The following ABCC9 variants were observed in gnomAD, a reference collection of about 807,000 sequenced individuals.
ABCC9 encodes the protein ATP-binding cassette sub-family C member 9.
In ABCC9, 95 loss-of-function variants were observed where a neutral mutation model predicts 188.3. That is an observed-to-expected ratio of 0.50 (90% confidence interval 0.43 to 0.60). The LOEUF (loss-of-function observed/expected upper bound fraction) is 0.60, where lower values mean the gene tolerates loss of function less well. Among genes scored for constraint, ABCC9 ranks in the 20% least tolerant of loss-of-function variants. The pLI is 0.00. For synonymous variants in ABCC9, 659 were observed against 652.7 expected (o/e 1.01, Z -0.15); for missense variants, 1,102 against 1,876.3 (o/e 0.59, Z 7.62).
chr12:21,834,189 A>G (rs1444916326), intron 30 of ABCC9, among the ~76,000 whole-genome samples: 1 of 152,034 alleles, frequency 6.6e-6, no homozygotes, highest in Non-Finnish European at 1.5e-5. Context: ...TTGACCATTC[A>G]ATTTCTTTTT....
intron 31 of ABCC9, among the ~76,000 whole-genome samples, chr12:21,826,573 C>T (rs73070690): frequency 1.3e-5 from 2 of 152,154 alleles, no homozygotes; most frequent in Non-Finnish European, 1.5e-5. Flanking sequence ...TTTAAATACA[C>T]CTGGTTCCAA....
intron 31 of ABCC9, among the ~76,000 whole-genome samples, chr12:21,825,724 A>G (rs184867192): frequency 6.6e-6 from 1 of 152,222 alleles, no homozygotes; most frequent in East Asian, 1.9e-4. Flanking sequence ...GCAAACCACC[A>G]TGGCATGCGT....
intron 22 of ABCC9, among the ~76,000 whole-genome samples, chr12:21,856,876 C>T (rs1296736214): frequency 1.3e-5 from 2 of 152,062 alleles, no homozygotes; most frequent in Non-Finnish European, 2.9e-5. Flanking sequence ...ATTACATAGC[C>T]AATACTCAAA....
chr12:21,914,219 T>C (rs1197109424), intron 7 of ABCC9, among the ~76,000 whole-genome samples: 1 of 152,194 alleles, frequency 6.6e-6, no homozygotes, highest in African/African-American at 2.4e-5. Flanking sequence ...ATACTCTATT[T>C]CCTTCCAGTG....
intron 34 of ABCC9, among the ~76,000 whole-genome samples, chr12:21,815,286 GTTTT>G (rs201636994): frequency 7.6e-6 from 1 of 132,322 alleles, no homozygotes; most frequent in African/African-American, 2.7e-5. Context: ...TTTCTTCATG[GTTTT>G]TTTTTTTTTT....
At chr12:21,887,794 C>A in intron 15 of ABCC9, 32 bp downstream of exon 15, 1 of 1,393,600 alleles carries the variant, frequency 7.2e-7, no homozygotes, top group South Asian at 1.2e-5. Flanking sequence ...GTCCTCTATT[C>A]ACAACTTCCA....
chr12:21,901,017 T>C (rs930263147), intron 12 of ABCC9, among the ~76,000 whole-genome samples: 1 of 151,780 alleles, frequency 6.6e-6, no homozygotes, highest in Non-Finnish European at 1.5e-5. Flanking sequence ...TTCACCAAAG[T>C]TGAAATGAAG....
intron 14 of ABCC9, among the ~76,000 whole-genome samples, chr12:21,891,155 T>C (rs1947143558): frequency 6.6e-6 from 1 of 152,128 alleles, no homozygotes; most frequent in African/African-American, 2.4e-5. Flanking sequence ...TCCCTGCAGA[T>C]TTCAGTCTTT....
intron 39 of ABCC9, among the ~76,000 whole-genome samples, chr12:21,801,948 C>T (rs944761880): frequency 6.6e-6 from 1 of 152,076 alleles, no homozygotes; most frequent in African/African-American, 2.4e-5. Context: ...AGTAGCAGAA[C>T]CAGTATCAAA....
chr12:21,855,876 G>A (rs1014744643), intron 22 of ABCC9, among the ~76,000 whole-genome samples: 1 of 152,142 alleles, frequency 6.6e-6, no homozygotes, highest in African/African-American at 2.4e-5. Context: ...AAGGAAGAGT[G>A]TGGTGACTAA....
At chr12:21,819,597 A>G (rs1014666564) in intron 31 of ABCC9, among the ~76,000 whole-genome samples, 1 of 152,224 alleles carries the variant, frequency 6.6e-6, no homozygotes, top group Non-Finnish European at 1.5e-5. Context: ...TTCCTTGAAA[A>G]ATAGAAATGA....
At chr12:21,872,827 A>C in intron 17 of ABCC9, 97 bp from the exon 18 acceptor site, 1 of 983,746 alleles carries the variant, frequency 1.0e-6, no homozygotes, top group Non-Finnish European at 1.6e-6. Flanking sequence ...TTTACAATCA[A>C]TGGCCCAGTT....
chr12:21,889,425 AGATTT>A (rs1360104748), intron 14 of ABCC9, among the ~76,000 whole-genome samples: 1 of 152,194 alleles, frequency 6.6e-6, no homozygotes, highest in Non-Finnish European at 1.5e-5. Flanking sequence ...TGTTTTGAAA[AGATTT>A]GATTTTAAGA....
At chr12:21,900,664 C>T (rs898857805) in intron 12 of ABCC9, among the ~76,000 whole-genome samples, 1 of 152,282 alleles carries the variant, frequency 6.6e-6, no homozygotes, top group Non-Finnish European at 1.5e-5. Context: ...ATGACGCATG[C>T]ACAAGCTTCA....
intron 22 of ABCC9, among the ~76,000 whole-genome samples, chr12:21,853,149 A>G (rs1945052341): frequency 6.6e-6 from 1 of 152,042 alleles, no homozygotes; most frequent in African/African-American, 2.4e-5. Flanking sequence ...GCCCTGTCCT[A>G]CTAAAAACAC....
At chr12:21,812,596 G>C (rs940475051) in intron 35 of ABCC9, among the ~76,000 whole-genome samples, 1 of 152,072 alleles carries the variant, frequency 6.6e-6, no homozygotes, top group African/African-American at 2.4e-5. Context: ...AACTAACACA[G>C]GAACAGAAAA....
intron 5 of ABCC9, among the ~76,000 whole-genome samples, chr12:21,920,537 C>T (rs2137956225): frequency 6.6e-6 from 1 of 151,998 alleles, no homozygotes; most frequent in East Asian, 1.9e-4. Context: ...CATTGATCAC[C>T]TCAAGCATTT....
intron 36 of ABCC9, among the ~76,000 whole-genome samples, chr12:21,810,552 A>G (rs964670399): frequency 1.3e-4 from 20 of 152,112 alleles, no homozygotes; most frequent in Admixed American, 1.2e-3. Context: ...GAGAAGTATT[A>G]AGCAAAGTGG....
At chr12:21,843,382 T>G (rs755437661) in intron 28 of ABCC9, among the ~76,000 whole-genome samples, 2 of 152,196 alleles carry the variant, frequency 1.3e-5, no homozygotes, top group Non-Finnish European at 2.9e-5. Context: ...CTACTTGTCT[T>G]TTGCAATTAA....
Sources: allele counts gnomAD v4.1 joint callset (sites outside exome capture counted in the v4.1 genomes callset), GRCh38; gene constraint gnomAD v4.1.1; transcripts MANE v1.5; gene names NCBI Gene and HGNC (gene_info 2026-07-23, HGNC 2026-07-21).